OSBPL10: variants seen among roughly 807,000 people sequenced by gnomAD.
The protein encoded by OSBPL10 is oxysterol-binding protein-related protein 10.
In OSBPL10, 49 loss-of-function variants were observed where a neutral mutation model predicts 81.7. The ratio of observed to expected loss-of-function variants is 0.60; its 90% CI spans 0.48 to 0.76. The LOEUF is 0.76. Ranked by LOEUF, OSBPL10 falls within the 30% of genes least tolerant of loss-of-function variation. OSBPL10 has a pLI of 0.00. For synonymous variants in OSBPL10, 419 were observed against 383.6 expected (o/e 1.09, Z -1.08); for missense variants, 923 against 987.8 (o/e 0.93, Z 0.88).
chr3:31,999,824 C>T (rs770487756), intron 2 of OSBPL10, among the ~76,000 whole-genome samples: 8 of 152,156 alleles, frequency 5.3e-5, no homozygotes, highest in South Asian at 2.1e-4. Context: ...TGTACTGAAA[C>T]TCTCTAAACT....
intron 3 of OSBPL10, among the ~76,000 whole-genome samples, chr3:31,850,031 G>C (rs1350936858): frequency 6.6e-6 from 1 of 152,172 alleles, no homozygotes; most frequent in East Asian, 1.9e-4. Flanking sequence ...TGGGTGTGGT[G>C]GTGCATTCCT....
At chr3:31,952,716 T>A (rs545467370) in intron 1 of OSBPL10, among the ~76,000 whole-genome samples, 2 of 152,168 alleles carry the variant, frequency 1.3e-5, no homozygotes, top group African/African-American at 4.8e-5. Flanking sequence ...CCCCCCAACA[T>A]CAGTTGGCTC....
chr3:31,702,207 TG>T, intron 7 of OSBPL10, 151 bp downstream of exon 7: 3 of 907,554 alleles, frequency 3.3e-6, no homozygotes, highest in South Asian at 1.9e-5. Flanking sequence ...AAATTATACC[TG>T]GAATATCCAT....
chr3:32,008,400 G>A (rs1438497786), intron 2 of OSBPL10, among the ~76,000 whole-genome samples: 2 of 151,468 alleles, frequency 1.3e-5, no homozygotes, highest in African/African-American at 2.4e-5. Flanking sequence ...TGATGCACCC[G>A]CCTTGGCTTC....
intron 3 of OSBPL10, among the ~76,000 whole-genome samples, chr3:31,870,434 C>T (rs565414283): frequency 3.3e-5 from 5 of 152,348 alleles, no homozygotes; most frequent in South Asian, 4.1e-4. Flanking sequence ...CGAGCCTCCC[C>T]GACGAGCGCC....
chr3:31,831,735 T>C (rs1700247389), intron 3 of OSBPL10, among the ~76,000 whole-genome samples: 1 of 152,050 alleles, frequency 6.6e-6, no homozygotes, highest in South Asian at 2.1e-4. Context: ...AAAGTCTGAG[T>C]ACACAATCTG....
Position 31,683,660 on chromosome 3 carries a change from G to T in OSBPL10, c.1700C>A (p.Ser567Tyr), listed in dbSNP as rs1188254532. 3.7e-6 allele frequency: 6 copies of T among 1,613,178 alleles called. No individual in the cohort carries two copies. Among genetic ancestry groups the T allele is most frequent in the Non-Finnish European group, 4.2e-6 (5 of 1,179,390 alleles). Residue 567 changes from serine to tyrosine, a missense_variant, in exon 8 of 12, where the codon TCC (serine) becomes TAC (tyrosine). Ser to Tyr is a moderately radical substitution (Grantham distance 144). This residue lies in a region of OSBPL10 where 387 missense variants were observed against 436.3 expected (regional missense o/e 0.89). Coordinates refer to ENST00000396556, the MANE Select transcript of OSBPL10 (RefSeq NM_017784.5). The stretch of plus-strand genomic sequence containing the variant: ...TTCCCCTATCATAGAGACCCCCACG[G>T]ACATGCCCATGAACTTGCTTTTGGT... ...VWTKSKFMGM[S>Y]VGVSMIGEGV...
At chr3:32,011,987 G>T (rs189601343) in intron 2 of OSBPL10, among the ~76,000 whole-genome samples, 21 of 152,196 alleles carry the variant, frequency 1.4e-4, no homozygotes, top group African/African-American at 4.6e-4. Context: ...TGAAAGTGAC[G>T]GGGAGAATGC....
intron 2 of OSBPL10, among the ~76,000 whole-genome samples, chr3:32,032,908 G>A (rs1435280094): frequency 6.6e-6 from 1 of 152,140 alleles, no homozygotes; most frequent in African/African-American, 2.4e-5. Context: ...TGTTGTTGGA[G>A]GACCATTGAA....
chr3:31,663,504 G>C (rs1200635717), intron 11 of OSBPL10: 2 of 996,638 alleles, frequency 2.0e-6, no homozygotes, highest in East Asian at 2.1e-4. Flanking sequence ...ACAGTGCCCT[G>C]CCCACTTGCC....
chr3:32,009,796 C>A (rs1699236676), intron 2 of OSBPL10, among the ~76,000 whole-genome samples: 2 of 152,172 alleles, frequency 1.3e-5, no homozygotes, highest in Non-Finnish European at 2.9e-5. Flanking sequence ...CCTCTAGGGT[C>A]TCTTCTGGCT....
At chr3:31,753,404 C>T (rs979050311) in intron 4 of OSBPL10, among the ~76,000 whole-genome samples, 1 of 151,992 alleles carries the variant, frequency 6.6e-6, no homozygotes, top group African/African-American at 2.4e-5. Context: ...AGGCTGGTCT[C>T]GAACTCCTGA....
intron 2 of OSBPL10, among the ~76,000 whole-genome samples, chr3:31,997,202 A>G (rs1699097882): frequency 6.6e-6 from 1 of 152,158 alleles, no homozygotes; most frequent in African/African-American, 2.4e-5. Context: ...TATGACTATT[A>G]CAATGTCAAT....
intron 1 of OSBPL10, among the ~76,000 whole-genome samples, chr3:31,918,938 G>C (rs565114033): frequency 8.5e-5 from 13 of 152,214 alleles, no homozygotes; most frequent in African/African-American, 2.9e-4. Flanking sequence ...TTGTGGTTTC[G>C]ATCTACAAGA....
chr3:32,075,809 A>G (rs1699869347), intron 1 of OSBPL10, among the ~76,000 whole-genome samples: 1 of 152,224 alleles, frequency 6.6e-6, no homozygotes, highest in African/African-American at 2.4e-5. Context: ...AAGCCATCAT[A>G]TCCCCTGTGA....
chr3:31,944,512 T>C (rs1697637880), intron 1 of OSBPL10, among the ~76,000 whole-genome samples: 1 of 152,190 alleles, frequency 6.6e-6, no homozygotes. Flanking sequence ...TGGATATATT[T>C]ACATATGGAC....
chr3:31,790,510 C>T (rs1011429295), intron 4 of OSBPL10, among the ~76,000 whole-genome samples: 1 of 152,194 alleles, frequency 6.6e-6, no homozygotes, highest in Non-Finnish European at 1.5e-5. Context: ...CAGCTGTTCG[C>T]ATACACCATC....
chr3:31,854,611 CAAAG>C (rs1173900996), intron 3 of OSBPL10, among the ~76,000 whole-genome samples: 5 of 151,982 alleles, frequency 3.3e-5, no homozygotes, highest in African/African-American at 9.7e-5. Context: ...TAAAAGTTGA[CAAAG>C]AAATAATTTC....
intron 6 of OSBPL10, among the ~76,000 whole-genome samples, chr3:31,712,046 G>A (rs1436437494): frequency 2.0e-5 from 3 of 152,048 alleles, no homozygotes; most frequent in East Asian, 3.9e-4. Flanking sequence ...AGAAGGAGGG[G>A]ACAGTCCAAC....
Sources: allele counts gnomAD v4.1 joint callset (sites outside exome capture counted in the v4.1 genomes callset), GRCh38; gene constraint gnomAD v4.1.1; regional missense constraint gnomAD v4.1.1; transcripts MANE v1.5; gene names NCBI Gene and HGNC (gene_info 2026-07-23, HGNC 2026-07-21).